The following KLHL8 variants were observed in gnomAD, a reference collection of about 807,000 sequenced individuals.
KLHL8 encodes kelch like family member 8, also known as kelch-like protein 8.
A neutral mutation model predicts 63.5 loss-of-function variants in KLHL8; 38 were observed. The observed-to-expected ratio is 0.60, with a 90% confidence interval of 0.46 to 0.78. KLHL8 has a LOEUF of 0.78. Among genes scored for constraint, KLHL8 ranks in the 30% least tolerant of loss-of-function variants. The probability of loss-of-function intolerance (pLI) is 0.00; values close to 1 mark genes in which losing one functional copy is unlikely to be tolerated. For synonymous variants in KLHL8, 224 were observed against 254.3 expected (o/e 0.88, Z 1.13); for missense variants, 566 against 752.4 (o/e 0.75, Z 2.90).
At chr4:87,216,720 T>C (rs1387789266) in intron 1 of KLHL8, among the ~76,000 whole-genome samples, 1 of 152,014 alleles carries the variant, frequency 6.6e-6, no homozygotes, top group Non-Finnish European at 1.5e-5. Flanking sequence ...CCAAACAATA[T>C]ACTTTCTTGC....
chr4:87,170,360 T>C (rs1730589292), intron 7 of KLHL8, 87 bp downstream of exon 7: 2 of 1,418,440 alleles, frequency 1.4e-6, no homozygotes, highest in South Asian at 1.4e-5. Flanking sequence ...AATATCTTCA[T>C]ACTGGTGATG....
At chr4:87,167,290 A>G in intron 8 of KLHL8, 1 of 465,240 alleles carries the variant, frequency 2.1e-6, no homozygotes, top group Non-Finnish European at 4.1e-6. Flanking sequence ...AATCAAGTTC[A>G]TGGGCTGCTT....
At position 87,178,597 on chromosome 4, in the gene KLHL8, G is replaced by A. The variant is rs1290665036; in HGVS notation, c.976C>T (p.Arg326Ter). 1.9e-6 allele frequency: 3 copies of A among 1,598,840 alleles called. No individual in the cohort carries two copies. The highest frequency in any genetic ancestry group is 2.6e-6 in the Non-Finnish European group (3 of 1,175,264). Residue 326 changes from arginine to a stop codon, truncating the protein, a stop_gained, in exon 5 of 10, where the codon CGA becomes TGA. Coordinates refer to ENST00000273963, the MANE Select transcript of KLHL8 (RefSeq NM_020803.5). LOFTEE classifies it high-confidence loss of function. The stretch of plus-strand genomic sequence containing the variant: ...CGAAAGGGGTCACCAGATCCACCTC[G>A]ACCACCTACACAAAACAGCACACCT... ...TAGVLFCVGG[R>*]GGSGDPFRSI...
At chr4:87,181,556 T>TC (rs1164496723) in intron 4 of KLHL8, among the ~76,000 whole-genome samples, 2 of 151,836 alleles carry the variant, frequency 1.3e-5, no homozygotes, top group South Asian at 4.2e-4. Flanking sequence ...AACTAGTATT[T>TC]CATCTATATA....
upstream of KLHL8, among the ~76,000 whole-genome samples, chr4:87,224,427 G>A (rs922805820): frequency 9.9e-5 from 15 of 152,136 alleles, no homozygotes; most frequent in African/African-American, 2.9e-4. Context: ...GTGGCTTGCC[G>A]AGGGATTTGG....
chr4:87,180,040 C>T (rs1307602793), intron 4 of KLHL8, among the ~76,000 whole-genome samples: 3 of 152,180 alleles, frequency 2.0e-5, no homozygotes, highest in Non-Finnish European at 4.4e-5. Flanking sequence ...GCAGCAAAGG[C>T]TACCTTACAA....
At chr4:87,164,984 T>A (rs1174139130) in intron 8 of KLHL8, among the ~76,000 whole-genome samples, 1 of 151,558 alleles carries the variant, frequency 6.6e-6, no homozygotes, top group Non-Finnish European at 1.5e-5. Context: ...CCGTCTCTAC[T>A]AAAAATACAA....
At chr4:87,216,239 A>G (rs1056662347) in intron 1 of KLHL8, among the ~76,000 whole-genome samples, 1 of 152,184 alleles carries the variant, frequency 6.6e-6, no homozygotes, top group Non-Finnish European at 1.5e-5. Context: ...TAGCAGCACT[A>G]TTATTCATAT....
intron 1 of KLHL8, among the ~76,000 whole-genome samples, chr4:87,234,386 C>A (rs369749160): frequency 6.7e-6 from 1 of 149,824 alleles, no homozygotes; most frequent in African/African-American, 2.5e-5. Flanking sequence ...TTGCACTGAG[C>A]GGAGGTCGTA....
intron 1 of KLHL8, among the ~76,000 whole-genome samples, chr4:87,212,315 G>A (rs1330123933): frequency 6.6e-6 from 1 of 151,802 alleles, no homozygotes; most frequent in East Asian, 1.9e-4. Flanking sequence ...TTTGAAAACT[G>A]AAAAGCTAAA....
At chr4:87,191,647 A>T (rs1290084582) in intron 2 of KLHL8, among the ~76,000 whole-genome samples, 4 of 151,408 alleles carry the variant, frequency 2.6e-5, no homozygotes, top group African/African-American at 9.7e-5. Flanking sequence ...GGTCTGTTGC[A>T]TAGATATATT....
At chr4:87,204,994 TA>T in intron 1 of KLHL8, among the ~76,000 whole-genome samples, 1 of 151,928 alleles carries the variant, frequency 6.6e-6, no homozygotes, top group South Asian at 2.1e-4. Flanking sequence ...TGATAAAAAA[TA>T]AAATGGAAAA....
chr4:87,211,862 GTTAAAC>G (rs1732420177), intron 1 of KLHL8, among the ~76,000 whole-genome samples: 1 of 152,168 alleles, frequency 6.6e-6, no homozygotes, highest in South Asian at 2.1e-4. Context: ...CAAAGTCATA[GTTAAAC>G]TTAAGTGTGA....
intron 2 of KLHL8, among the ~76,000 whole-genome samples, chr4:87,193,521 A>AT (rs1213455409): frequency 2.6e-5 from 4 of 152,054 alleles, no homozygotes; most frequent in African/African-American, 9.7e-5. Flanking sequence ...ACTTTCTGCA[A>AT]TTTTTTTCTT....
chr4:87,223,749 G>T (rs567129412), upstream of KLHL8, among the ~76,000 whole-genome samples: 3 of 152,290 alleles, frequency 2.0e-5, no homozygotes, highest in East Asian at 5.8e-4. Context: ...TGATATATCT[G>T]TAACAATGCT....
chr4:87,187,217 C>T (rs1731295185), intron 2 of KLHL8, among the ~76,000 whole-genome samples: 1 of 151,926 alleles, frequency 6.6e-6, no homozygotes, highest in African/African-American at 2.4e-5. Flanking sequence ...GTATTTGCAC[C>T]ATATCTTGAG....
chr4:87,207,033 C>T (rs1405511146), intron 1 of KLHL8: 4 of 353,322 alleles, frequency 1.1e-5, no homozygotes, highest in Non-Finnish European at 1.6e-5. Flanking sequence ...CTCTGCTCCT[C>T]CCATTTGACA....
At chr4:87,168,237 T>C (rs901842811) in intron 8 of KLHL8, among the ~76,000 whole-genome samples, 1 of 152,212 alleles carries the variant, frequency 6.6e-6, no homozygotes, top group East Asian at 1.9e-4. Flanking sequence ...AGTACACTTA[T>C]ACTCCCTTGA....
At position 87,185,516 on chromosome 4, in the gene KLHL8, G is replaced by A; in HGVS notation, c.500C>T (p.Ser167Phe). ...CEYMKLHFHP[S>F]NCLAVRAFAE... ...AAAGGCTCTTACTGCCAGGCAATTG[G>A]AGGGATGAAAATGTAACTTCATGTA... is the stretch of plus-strand genomic sequence containing the variant. Residue 167 changes from serine to phenylalanine, a missense_variant, in exon 3 of 10, where the codon TCC (serine) becomes TTC (phenylalanine). Physicochemically the swap from Ser to Phe is radical, Grantham distance 155. Coordinates refer to ENST00000273963, the MANE Select transcript of KLHL8 (RefSeq NM_020803.5). 3.1e-6 allele frequency: 5 copies of A among 1,614,168 alleles called. No individual in the cohort carries two copies. Among genetic ancestry groups the A allele is most frequent in the Non-Finnish European group, 3.4e-6 (4 of 1,180,026 alleles).
Sources: allele counts gnomAD v4.1 joint callset (sites outside exome capture counted in the v4.1 genomes callset), GRCh38; gene constraint gnomAD v4.1.1; transcripts MANE v1.5; gene names NCBI Gene and HGNC (gene_info 2026-07-23, HGNC 2026-07-21).